The following ARID1A variants were observed in gnomAD, a reference collection of about 807,000 sequenced individuals.
ARID1A encodes AT-rich interactive domain-containing protein 1A.
A neutral mutation model predicts 212.6 loss-of-function variants in ARID1A; 20 were observed. The observed-to-expected ratio is 0.09, with a 90% confidence interval of 0.07 to 0.14. The LOEUF (loss-of-function observed/expected upper bound fraction) is 0.14, where lower values mean the gene tolerates loss of function less well. Ranked by LOEUF, ARID1A falls within the 10% of genes least tolerant of loss-of-function variation. The probability of loss-of-function intolerance (pLI) is 1.00; values close to 1 mark genes in which losing one functional copy is unlikely to be tolerated. For synonymous variants in ARID1A, 1,376 were observed against 1,222.1 expected (o/e 1.13, Z -2.63); for missense variants, 2,587 against 3,059.0 (o/e 0.85, Z 3.64).
Position 26,775,242 on chromosome 1 carries a change from G to C in ARID1A, c.4993+22G>C, listed in dbSNP as rs371056521. The C allele has an allele frequency of 5.0e-5, 78 of 1,551,948 alleles. No homozygotes were observed. In the African/African-American group the frequency reaches 1.0e-3, roughly 20 times the overall value. On this transcript the variant is annotated intron_variant, in intron 18 of 19. Coordinates refer to ENST00000324856, the MANE Select transcript of ARID1A (RefSeq NM_006015.6). ...ATTGGTAAGGAGATCTTCCTCATTCGGTTGCCTAATCTGCCCCTTTCCATC... is the reference window on the plus strand; with the variant it reads ...ATTGGTAAGGAGATCTTCCTCATTCCGTTGCCTAATCTGCCCCTTTCCATC...
intron 1 of ARID1A, among the ~76,000 whole-genome samples, chr1:26,704,689 C>A: frequency 6.6e-6 from 1 of 151,956 alleles, no homozygotes; most frequent in Non-Finnish European, 1.5e-5. Flanking sequence ...AGGGAGACCC[C>A]ATCTTTACAA....
In ARID1A at chr1:26,772,992, C is replaced by T. The variant is rs1057522508; in HGVS notation, c.3715+5C>T. 4 of 1,603,844 alleles carry T rather than the reference C, an allele frequency of 2.5e-6. No individual in the cohort carries two copies. In the Admixed American group the frequency reaches 6.7e-5, roughly 27 times the overall value. ...CTTATGGCAGCATGAGGAAAGGTGA[C>T]TGATCTGATTGCTATTTGAACTTGT... On this transcript the variant is annotated splice_donor_5th_base_variant and intron_variant, in intron 14 of 19. Transcript: ENST00000324856.
intron 6 of ARID1A, 49 bp downstream of exon 6, chr1:26,761,522 G>A (rs888960347): frequency 1.3e-6 from 2 of 1,578,476 alleles, no homozygotes; most frequent in Non-Finnish European, 1.7e-6. Context: ...GCAGACATTT[G>A]AGTGCCCTAT....
At chr1:26,720,566 ACT>A (rs1434720179) in intron 1 of ARID1A, among the ~76,000 whole-genome samples, 7 of 151,790 alleles carry the variant, frequency 4.6e-5, no homozygotes, top group Admixed American at 1.3e-4. Flanking sequence ...TGGATACGAG[ACT>A]CTCTTAAGAT....
rs1245991503 is a variant in ARID1A at position 26,696,663 on chromosome 1, G to C, written c.260G>C (p.Gly87Ala). The change falls in exon 1 of 20, where the codon GGA (glycine) becomes GCA (alanine). Residue 87 changes from glycine to alanine, a missense_variant. By Grantham distance (60) the Gly-to-Ala change is moderately conservative. Around this residue, in one of 11 missense-constraint regions of ARID1A, gnomAD observed 735 missense variants for 590.6 expected, o/e 1.24. Transcript: ENST00000324856. The part of the protein sequence containing the change: ...AESNGGGGGG[G>A]AGSGGGPGAE... ...AGCAATGGGGGTGGCGGCGGCGGCGGAGCCGGCAGCGGCGGCGGGCCCGGC... is the reference window on the plus strand; with the variant it reads ...AGCAATGGGGGTGGCGGCGGCGGCGCAGCCGGCAGCGGCGGCGGGCCCGGC... The C allele has an allele frequency of 1.5e-6, 2 of 1,320,408 alleles. No individual in the cohort carries two copies. Among genetic ancestry groups the C allele is most frequent in the African/African-American group, 3.1e-5 (2 of 64,734 alleles). The allele number at this position is 1,320,408 out of a possible 1,614,324, so 81.8% of individuals were successfully genotyped here. A position where few individuals can be genotyped will look rare whatever the true frequency, so the allele number is the denominator to read the frequency against.
intron 1 of ARID1A, among the ~76,000 whole-genome samples, chr1:26,719,542 AAC>A (rs1401089959): frequency 6.6e-6 from 1 of 152,186 alleles, no homozygotes. Context: ...ATTTTTGTTA[AAC>A]AGTTTTTAAT....
At chr1:26,749,366 TTTTA>T (rs569116746) in intron 4 of ARID1A, among the ~76,000 whole-genome samples, 25 of 152,166 alleles carry the variant, frequency 1.6e-4, no homozygotes, top group African/African-American at 5.5e-4. Context: ...TTGGTGTTTG[TTTTA>T]TTTGTTTGTT....
At position 26,696,360 on chromosome 1, in the gene ARID1A, C is replaced by CGA. The variant is rs998124438; in HGVS notation, c.-43_-42dup. On this transcript the variant is annotated 5_prime_UTR_variant, in exon 1 of 20. Coordinates refer to ENST00000324856, the MANE Select transcript of ARID1A (RefSeq NM_006015.6). ...GGCGGGGTGGGAGGGGGGGAGAAGA[C>CGA]GAAGACAGGGCCGGGTCTCTCCGCG... 336 of 1,217,586 alleles carry CGA rather than the reference C, an allele frequency of 2.8e-4. No individual in the cohort carries two copies. Among genetic ancestry groups the CGA allele is most frequent in the Non-Finnish European group, 3.3e-4 (322 of 978,174 alleles). The allele number at this position is 1,217,586 out of a possible 1,614,324, so 75.4% of individuals were successfully genotyped here. A position where few individuals can be genotyped will look rare whatever the true frequency, so the allele number is the denominator to read the frequency against.
chr1:26,697,638 C>T, intron 1 of ARID1A, 98 bp downstream of exon 1: 1 of 1,161,170 alleles, frequency 8.6e-7, no homozygotes, highest in Non-Finnish European at 1.1e-6. Context: ...CCCCTCAGTC[C>T]CGGGCCCCCA....
chr1:26,726,958 G>T (rs2080625048), intron 1 of ARID1A, among the ~76,000 whole-genome samples: 2 of 152,242 alleles, frequency 1.3e-5, no homozygotes, highest in African/African-American at 4.8e-5. Context: ...AAGCCACTGT[G>T]GACAGGAGGG....
chr1:26,748,285 T>TGATGTGG (rs2080855274), intron 4 of ARID1A, among the ~76,000 whole-genome samples: 3 of 152,178 alleles, frequency 2.0e-5, no homozygotes, highest in African/African-American at 7.2e-5. Flanking sequence ...TGTGGAAGCC[T>TGATGTGG]AAGGCAACAC....
At chr1:26,773,008 T>A (rs2124108459) in intron 14 of ARID1A, 21 bp downstream of exon 14, 1 of 1,595,630 alleles carries the variant, frequency 6.3e-7, no homozygotes, top group Non-Finnish European at 8.6e-7. Flanking sequence ...TGATTGCTAT[T>A]TGAACTTGTG....
chr1:26,780,753 A>G lies in ARID1A; in HGVS notation c.6855A>G (p.Ser2285=), dbSNP rs200394526. 1.3e-6 allele frequency: 2 copies of G among 1,558,014 alleles called. No individual in the cohort carries two copies. Among genetic ancestry groups the G allele is most frequent in the Non-Finnish European group, 1.7e-6 (2 of 1,151,964 alleles). ...ATGTACTGTTTTTGATTGGCCAGTC[A>G]TGACAGCCGTGGGACACCTCCCCCC... ...ICDVLFLIGQ[S] is the part of the protein sequence containing the mutation. The change falls in exon 20 of 20, where the codon TCA becomes TCG. Residue 2285 remains serine, a synonymous_variant. Transcript: ENST00000324856. The surrounding 1 kb of genome is among the most constrained non-coding windows in gnomAD (Gnocchi z 7.2).
At position 26,773,733 on chromosome 1, in the gene ARID1A, T is replaced by G. The variant is rs2273016; in HGVS notation, c.4004+16T>G. ...AGCAGCAACGGTGAGTAAAGCCTGG[T>G]CTCGGTGCTGCTATGGATCAGGCTT... On this transcript the variant is annotated intron_variant, in intron 16 of 19. Transcript: ENST00000324856. The G allele has an allele frequency of 1.9e-6, 3 of 1,614,132 alleles. No individual in the cohort carries two copies. The East Asian group carries it at 6.7e-5, about 36-fold the overall frequency.
intron 4 of ARID1A, among the ~76,000 whole-genome samples, chr1:26,741,083 G>A (rs1177489977): frequency 6.6e-6 from 1 of 152,214 alleles, no homozygotes; most frequent in Non-Finnish European, 1.5e-5. Context: ...AGTTACCTGT[G>A]TGGTAGTTAA....
At chr1:26,710,347 T>C (rs1046229233) in intron 1 of ARID1A, among the ~76,000 whole-genome samples, 1 of 150,896 alleles carries the variant, frequency 6.6e-6, no homozygotes, top group Admixed American at 6.6e-5. Context: ...GGCAGGAGAA[T>C]CGCTTGAACC....
At position 26,696,677 on chromosome 1, in the gene ARID1A, G is replaced by T. The variant is rs1413267719; in HGVS notation, c.274G>T (p.Gly92Cys). The T allele has an allele frequency of 7.5e-7, 1 of 1,324,542 alleles. No individual in the cohort carries two copies. The highest frequency in any genetic ancestry group is 2.1e-5 in the South Asian group (1 of 46,952). The allele number at this position is 1,324,542 out of a possible 1,614,324, so 82.0% of individuals were successfully genotyped here. A position where few individuals can be genotyped will look rare whatever the true frequency, so the allele number is the denominator to read the frequency against. Reference sequence around the variant, plus strand: ...CGGCGGCGGCGGAGCCGGCAGCGGCGGCGGGCCCGGCGCGGAGCCGGACCT... The same window carrying T: ...CGGCGGCGGCGGAGCCGGCAGCGGCTGCGGGCCCGGCGCGGAGCCGGACCT... ...GGGGGGAGSGGGPGAEPDLKN... is the reference protein window; with the variant it reads ...GGGGGGAGSGCGPGAEPDLKN... Residue 92 changes from glycine (G) to cysteine (C), a missense_variant, in exon 1 of 20, where the codon GGC becomes TGC. Coordinates refer to ENST00000324856, the MANE Select transcript of ARID1A (RefSeq NM_006015.6).
At chr1:26,747,466 A>C (rs2080849063) in intron 4 of ARID1A, among the ~76,000 whole-genome samples, 1 of 152,150 alleles carries the variant, frequency 6.6e-6, no homozygotes, top group Non-Finnish European at 1.5e-5. Context: ...AAGAATATTG[A>C]ATATTGTTTA....
At chr1:26,720,522 A>T (rs2080552543) in intron 1 of ARID1A, among the ~76,000 whole-genome samples, 1 of 152,016 alleles carries the variant, frequency 6.6e-6, no homozygotes, top group African/African-American at 2.4e-5. Flanking sequence ...ATTGTCAGTT[A>T]ACCTTTGGGC....
Sources: allele counts gnomAD v4.1 joint callset (sites outside exome capture counted in the v4.1 genomes callset), GRCh38; gene constraint gnomAD v4.1.1; regional missense constraint gnomAD v4.1.1; non-coding constraint Gnocchi (gnomAD v3.1); transcripts MANE v1.5; gene names NCBI Gene and HGNC (gene_info 2026-07-23, HGNC 2026-07-21).